Variants in MYO3A observed in about 807,000 individuals in gnomAD.
The protein encoded by MYO3A is myosin IIIA.
Under a neutral mutation model 192.7 loss-of-function variants are expected in MYO3A, and 180 were observed. That is an observed-to-expected ratio of 0.93 (90% CI 0.83 to 1.06). MYO3A has a LOEUF of 1.06. Ranked by LOEUF, MYO3A falls within the 50% of genes least tolerant of loss-of-function variation. The pLI, the probability that MYO3A is intolerant of heterozygous loss-of-function variation, is 0.00. For synonymous variants in MYO3A, 628 were observed against 645.3 expected (o/e 0.97, Z 0.41); for missense variants, 1,896 against 1,905.0 (o/e 1.00, Z 0.09).
chr10:26,098,105 CA>C (rs1184280868), intron 17 of MYO3A, among the ~76,000 whole-genome samples: 2 of 152,136 alleles, frequency 1.3e-5, no homozygotes, highest in African/African-American at 4.8e-5. Flanking sequence ...TAATGATCAC[CA>C]TTCTAACTGG....
Position 25,949,112 on chromosome 10 carries a change from T to G in MYO3A, c.-17-2982T>G, listed in dbSNP as rs1171885861. On this transcript the variant is annotated intron_variant, in intron 2 of 34. Transcript: ENST00000642920. ...TTTTCACCTGGGCTATTACAGCACT[T>G]TATGCATATTCTTATTATTTATCAC... 2.0e-5 allele frequency among the ~76,000 whole-genome samples: 3 copies of G among 152,246 alleles called. No homozygotes were observed. The East Asian group carries it at 5.8e-4, about 29-fold the overall frequency.
At chr10:26,177,760 T>A (rs774800480) in intron 31 of MYO3A, among the ~76,000 whole-genome samples, 7 of 152,008 alleles carry the variant, frequency 4.6e-5, no homozygotes, top group Non-Finnish European at 1.0e-4. Flanking sequence ...CTGCAATGAG[T>A]TTGGCTGTTA....
At chr10:26,119,554 G>T (rs1019975935) in intron 17 of MYO3A, among the ~76,000 whole-genome samples, 1 of 152,054 alleles carries the variant, frequency 6.6e-6, no homozygotes, top group African/African-American at 2.4e-5. Context: ...TTCATATCCA[G>T]CTTTTATCTG....
chr10:26,127,707 C>T (rs1007405786), intron 19 of MYO3A, among the ~76,000 whole-genome samples: 7 of 150,832 alleles, frequency 4.6e-5, no homozygotes, highest in African/African-American at 1.7e-4. Flanking sequence ...CAAAATAACT[C>T]TACAATGTAT....
intron 23 of MYO3A, among the ~76,000 whole-genome samples, chr10:26,149,966 T>C (rs1564598689): frequency 1.3e-5 from 2 of 152,168 alleles, no homozygotes; most frequent in Non-Finnish European, 2.9e-5. Flanking sequence ...CCAGTATTTG[T>C]CTTTTTTGAC....
At chr10:26,072,443 C>T (rs185235698) in intron 14 of MYO3A, among the ~76,000 whole-genome samples, 1 of 152,176 alleles carries the variant, frequency 6.6e-6, no homozygotes, top group Admixed American at 6.5e-5. Context: ...ATCTCTTTGA[C>T]CAATTAAAAC....
chr10:25,962,243 T>A (rs955535773), intron 4 of MYO3A, among the ~76,000 whole-genome samples: 1 of 152,156 alleles, frequency 6.6e-6, no homozygotes, highest in Non-Finnish European at 1.5e-5. Context: ...CTCTTTTATT[T>A]ATTTTACCCT....
intron 14 of MYO3A, among the ~76,000 whole-genome samples, chr10:26,073,874 G>A (rs1451642271): frequency 1.3e-5 from 2 of 151,952 alleles, no homozygotes; most frequent in East Asian, 3.9e-4. Context: ...GGGTGGTGAA[G>A]GAATTATCCT....
intron 22 of MYO3A, 65 bp from the exon 23 acceptor site, chr10:26,147,365 A>G: frequency 6.8e-7 from 1 of 1,465,908 alleles, no homozygotes; most frequent in Non-Finnish European, 9.5e-7. Context: ...GATGATGATG[A>G]TGGTGAGGAG....
intron 30 of MYO3A, among the ~76,000 whole-genome samples, chr10:26,175,397 T>C (rs1842275849): frequency 6.6e-6 from 1 of 152,206 alleles, no homozygotes; most frequent in Non-Finnish European, 1.5e-5. Flanking sequence ...ATGAAGAGTT[T>C]TAACTGGATG....
chr10:26,015,389 A>G (rs374002880), intron 6 of MYO3A, among the ~76,000 whole-genome samples: 2 of 152,074 alleles, frequency 1.3e-5, no homozygotes, highest in Non-Finnish European at 2.9e-5. Context: ...TTTACTTCCT[A>G]GGGCTCCTGA....
At chr10:26,167,705 C>A (rs1378642323) in intron 27 of MYO3A, among the ~76,000 whole-genome samples, 2 of 152,180 alleles carry the variant, frequency 1.3e-5, no homozygotes, top group Non-Finnish European at 2.9e-5. Context: ...TTGTCAACAG[C>A]AGAATGGACT....
intron 4 of MYO3A, among the ~76,000 whole-genome samples, chr10:25,985,191 T>A (rs1407971445): frequency 7.0e-6 from 1 of 142,948 alleles, no homozygotes; most frequent in African/African-American, 2.6e-5. Context: ...TGAGCTGAGA[T>A]CATGCCACTG....
intron 10 of MYO3A, among the ~76,000 whole-genome samples, chr10:26,047,867 C>T (rs750220369): frequency 8.7e-5 from 13 of 150,214 alleles, no homozygotes; most frequent in Non-Finnish European, 1.2e-4. Flanking sequence ...ACACTGAGTA[C>T]GGATGATAAA....
At chr10:26,151,195 T>C (rs1489199904) in intron 23 of MYO3A, among the ~76,000 whole-genome samples, 1 of 152,218 alleles carries the variant, frequency 6.6e-6, no homozygotes, top group African/African-American at 2.4e-5. Context: ...GTCCACTTGA[T>C]TGAGAGTATT....
chr10:26,131,173 C>T (rs1839511039), intron 20 of MYO3A, among the ~76,000 whole-genome samples: 3 of 152,216 alleles, frequency 2.0e-5, no homozygotes, highest in Admixed American at 2.0e-4. Context: ...AGTTGTACAA[C>T]ACTGGAACAT....
At chr10:25,999,177 C>T (rs1409444067) in intron 6 of MYO3A, among the ~76,000 whole-genome samples, 4 of 152,090 alleles carry the variant, frequency 2.6e-5, no homozygotes, top group Non-Finnish European at 4.4e-5. Context: ...GGATTACAGG[C>T]GTGAGCCACC....
intron 6 of MYO3A, among the ~76,000 whole-genome samples, chr10:26,006,572 A>G (rs1322354598): frequency 6.6e-6 from 1 of 152,248 alleles, no homozygotes; most frequent in Admixed American, 6.5e-5. Context: ...CCACAGAAAT[A>G]CAAACTACCA....
At chr10:26,119,451 T>A (rs1412756846) in intron 17 of MYO3A, among the ~76,000 whole-genome samples, 1 of 152,182 alleles carries the variant, frequency 6.6e-6, no homozygotes. Context: ...ATCCCACATA[T>A]ATATTCATTC....
Sources: gnomAD v4.1 joint callset for allele counts (sites outside exome capture counted in the v4.1 genomes callset) on GRCh38, gnomAD v4.1.1 for gene constraint, MANE v1.5 for transcripts, NCBI Gene and HGNC (gene_info 2026-07-23, HGNC 2026-07-21) for gene names.